KCNIP4: variants seen among roughly 807,000 people sequenced by gnomAD.
KCNIP4 encodes the protein potassium voltage-gated channel interacting protein 4.
A neutral mutation model predicts 34.0 loss-of-function variants in KCNIP4; 12 were observed. The observed-to-expected ratio is 0.35, with a 90% CI of 0.23 to 0.57. The LOEUF (loss-of-function observed/expected upper bound fraction) is 0.57, where lower values mean the gene tolerates loss of function less well. KCNIP4 is among the 20% of genes least tolerant of loss of function. The probability of loss-of-function intolerance (pLI) is 0.83; values close to 1 mark genes in which losing one functional copy is unlikely to be tolerated. For synonymous variants in KCNIP4, 124 were observed against 102.2 expected (o/e 1.21, Z -1.29); for missense variants, 238 against 311.7 (o/e 0.76, Z 1.78).
At chr4:21,267,709 G>A (rs3927950) in intron 1 of KCNIP4, among the ~76,000 whole-genome samples, 13,944 of 115,142 alleles carry the variant, frequency 0.12, 1,131 homozygotes, top group Middle Eastern at 0.19. Context: ...CCACTTGATC[G>A]TGGTGGATAA....
chr4:20,852,122 T>C, intron 2 of KCNIP4, among the ~76,000 whole-genome samples: 1 of 152,022 alleles, frequency 6.6e-6, no homozygotes, highest in Non-Finnish European at 1.5e-5. Context: ...CCTCCCTAAT[T>C]CATTCTATGA....
chr4:20,840,677 T>A (rs1338723709), intron 3 of KCNIP4, among the ~76,000 whole-genome samples: 1 of 152,106 alleles, frequency 6.6e-6, no homozygotes, highest in Admixed American at 6.5e-5. Flanking sequence ...AGAAGTCCCA[T>A]CCTGTCCCCA....
chr4:21,504,690 G>A (rs894141621), intron 1 of KCNIP4, among the ~76,000 whole-genome samples: 2 of 152,024 alleles, frequency 1.3e-5, no homozygotes, highest in Non-Finnish European at 2.9e-5. Flanking sequence ...AGCTTCTCAA[G>A]TTAGAATACA....
chr4:21,925,006 C>T (rs1176321302), intron 1 of KCNIP4, among the ~76,000 whole-genome samples: 4 of 152,152 alleles, frequency 2.6e-5, no homozygotes, highest in Non-Finnish European at 5.9e-5. Context: ...TCTTCTCTCT[C>T]CTCCTTACTC....
At chr4:21,100,413 C>A (rs961131123) in intron 1 of KCNIP4, among the ~76,000 whole-genome samples, 1 of 152,010 alleles carries the variant, frequency 6.6e-6, no homozygotes, top group East Asian at 1.9e-4. Flanking sequence ...ATTAGCAGGG[C>A]GTGCTGGTAT....
chr4:21,754,356 T>C (rs1243309743), intron 1 of KCNIP4, among the ~76,000 whole-genome samples: 2 of 152,220 alleles, frequency 1.3e-5, no homozygotes, highest in African/African-American at 4.8e-5. Context: ...TTTTTCTGTG[T>C]GTTTTTCCTT....
At chr4:21,337,522 G>T (rs1207532056) in intron 1 of KCNIP4, among the ~76,000 whole-genome samples, 2 of 152,076 alleles carry the variant, frequency 1.3e-5, no homozygotes. Flanking sequence ...TTATCAGGTG[G>T]TTTAAAAGAT....
chr4:20,865,279 G>A (rs2149501498), intron 2 of KCNIP4, among the ~76,000 whole-genome samples: 1 of 152,142 alleles, frequency 6.6e-6, no homozygotes, highest in Non-Finnish European at 1.5e-5. Flanking sequence ...AGGCATATTA[G>A]AGAAAAGAGT....
At chr4:21,606,256 T>C (rs886736247) in intron 1 of KCNIP4, among the ~76,000 whole-genome samples, 3 of 152,182 alleles carry the variant, frequency 2.0e-5, no homozygotes, top group African/African-American at 7.2e-5. Context: ...GCTGGTAGGA[T>C]AATAACATTG....
chr4:21,491,275 A>G (rs933976291), intron 1 of KCNIP4, among the ~76,000 whole-genome samples: 1 of 152,106 alleles, frequency 6.6e-6, no homozygotes, highest in African/African-American at 2.4e-5. Context: ...ACTTCCAGGG[A>G]TGATCCTTCA....
At chr4:20,974,701 A>G (rs190810832) in intron 1 of KCNIP4, among the ~76,000 whole-genome samples, 26 of 152,294 alleles carry the variant, frequency 1.7e-4, no homozygotes, top group East Asian at 5.8e-4. Flanking sequence ...TCTAAAATCT[A>G]CATAGACGTG....
At chr4:20,967,310 C>T (rs539779816) in intron 1 of KCNIP4, among the ~76,000 whole-genome samples, 8 of 152,236 alleles carry the variant, frequency 5.3e-5, no homozygotes, top group Non-Finnish European at 1.0e-4. Context: ...ACATTCCATG[C>T]TCATGGATAG....
At chr4:21,662,295 T>C (rs1360576375) in intron 1 of KCNIP4, among the ~76,000 whole-genome samples, 1 of 152,220 alleles carries the variant, frequency 6.6e-6, no homozygotes, top group Non-Finnish European at 1.5e-5. Flanking sequence ...TTCTCTTCAT[T>C]TCTACCAGAT....
At chr4:21,293,200 T>C (rs1488840441) in intron 1 of KCNIP4, among the ~76,000 whole-genome samples, 3 of 152,324 alleles carry the variant, frequency 2.0e-5, no homozygotes, top group Non-Finnish European at 2.9e-5. Context: ...TAGGATATAT[T>C]AATAGAGCCA....
chr4:21,054,912 T>A (rs960411941), intron 1 of KCNIP4, among the ~76,000 whole-genome samples: 2 of 152,258 alleles, frequency 1.3e-5, no homozygotes, highest in African/African-American at 4.8e-5. Context: ...AAATCATTCA[T>A]ATGTTGGACT....
At chr4:21,341,582 A>AC (rs1716770748) in intron 1 of KCNIP4, among the ~76,000 whole-genome samples, 3 of 71,510 alleles carry the variant, frequency 4.2e-5, no homozygotes, top group African/African-American at 3.1e-4. Context: ...ACCTTCCTAA[A>AC]TTGCAAATTA....
intron 3 of KCNIP4, among the ~76,000 whole-genome samples, chr4:20,796,599 T>C (rs1713496430): frequency 8.3e-6 from 1 of 120,326 alleles, no homozygotes; most frequent in South Asian, 3.4e-4. Context: ...AAAGCATTTT[T>C]ATTGCTTTTT....
At chr4:21,293,131 T>C (rs1292285993) in intron 1 of KCNIP4, among the ~76,000 whole-genome samples, 1 of 152,234 alleles carries the variant, frequency 6.6e-6, no homozygotes, top group Non-Finnish European at 1.5e-5. Flanking sequence ...TTGCCTCATC[T>C]ACTCTGTCTG....
chr4:21,527,712 AACT>A (rs1220902987), intron 1 of KCNIP4, among the ~76,000 whole-genome samples: 2 of 152,194 alleles, frequency 1.3e-5, no homozygotes, highest in Non-Finnish European at 2.9e-5. Flanking sequence ...TGAAAAACTC[AACT>A]ACGTCAGATT....
Sources: gnomAD v4.1 joint callset for allele counts (sites outside exome capture counted in the v4.1 genomes callset) on GRCh38, gnomAD v4.1.1 for gene constraint, MANE v1.5 for transcripts, NCBI Gene and HGNC (gene_info 2026-07-23, HGNC 2026-07-21) for gene names.